The following ANKRD44 variants were observed in gnomAD, a reference collection of about 807,000 sequenced individuals.
The protein encoded by ANKRD44 is ankyrin repeat domain 44.
Under a neutral mutation model 116.0 loss-of-function variants are expected in ANKRD44, and 35 were observed. The ratio of observed to expected loss-of-function variants is 0.30; its 90% confidence interval spans 0.23 to 0.40. ANKRD44 has a LOEUF of 0.40. Ranked by LOEUF, ANKRD44 falls within the 10% of genes least tolerant of loss-of-function variation. The pLI is 1.00. For synonymous variants in ANKRD44, 435 were observed against 461.8 expected, an observed-to-expected ratio of 0.94 and a Z score of 0.74; for missense variants, 1,014 against 1,242.6, an observed-to-expected ratio of 0.82 and a Z score of 2.77.
intron 15 of ANKRD44, among the ~76,000 whole-genome samples, chr2:197,080,621 G>A (rs1384553147): frequency 6.6e-6 from 1 of 152,132 alleles, no homozygotes; most frequent in Non-Finnish European, 1.5e-5. Context: ...GCAAAACTCT[G>A]GTCATTCTAT....
At chr2:197,247,306 A>G (rs1045010686) in intron 1 of ANKRD44, among the ~76,000 whole-genome samples, 18 of 152,232 alleles carry the variant, frequency 1.2e-4, no homozygotes, top group Admixed American at 1.2e-3. Flanking sequence ...CAGCGCTAAC[A>G]GATCTGCATC....
At chr2:197,095,900 T>G (rs767808128) in intron 10 of ANKRD44, among the ~76,000 whole-genome samples, 57 of 152,348 alleles carry the variant, frequency 3.7e-4, no homozygotes, top group Middle Eastern at 3.4e-3. Flanking sequence ...GCATGTATTT[T>G]GTAATTTTTT....
chr2:197,275,641 G>A (rs2083056991), intron 1 of ANKRD44, among the ~76,000 whole-genome samples: 1 of 151,946 alleles, frequency 6.6e-6, no homozygotes, highest in Non-Finnish European at 1.5e-5. Context: ...CACTTTCTAT[G>A]TCCACAGCAG....
At chr2:197,055,006 T>C (rs1221844206) in intron 16 of ANKRD44, among the ~76,000 whole-genome samples, 1 of 152,186 alleles carries the variant, frequency 6.6e-6, no homozygotes, top group Non-Finnish European at 1.5e-5. Context: ...ACCTGTTCTA[T>C]TTCTCATTCT....
chr2:197,072,575 A>G (rs2077583348), intron 16 of ANKRD44, among the ~76,000 whole-genome samples: 1 of 152,318 alleles, frequency 6.6e-6, no homozygotes, highest in South Asian at 2.1e-4. Context: ...ATTAGCATTG[A>G]TGTTTTATCA....
intron 8 of ANKRD44, among the ~76,000 whole-genome samples, chr2:197,113,901 G>T (rs2697269): frequency 0.8 from 122,234 of 152,114 alleles, 52,832 homozygotes; most frequent in East Asian, 0.98. Flanking sequence ...TAGGGAAACA[G>T]GTAGATAAGG....
intron 27 of ANKRD44, chr2:196,990,770 G>C (rs1044596169): frequency 5.7e-6 from 7 of 1,232,076 alleles, no homozygotes; most frequent in Non-Finnish European, 6.1e-6. Flanking sequence ...TACCCAGATT[G>C]GAGAGGGTCG....
rs780163800 is a variant in ANKRD44, at chr2:197,125,828, A to G, written c.462+9T>C. 1 of 1,613,300 alleles carries G rather than the reference A, an allele frequency of 6.2e-7. No homozygotes were observed. The highest frequency in any genetic ancestry group is 1.3e-5 in the African/African-American group (1 of 75,050). Reference sequence around the variant, plus strand: ...GAGCGTTCCAATTCTGAATGATAAAAATACCCACCTCCACGTGGCCGTTCA... The same window carrying G: ...GAGCGTTCCAATTCTGAATGATAAAGATACCCACCTCCACGTGGCCGTTCA... On this transcript the variant is annotated intron_variant, in intron 5 of 27. Transcript: ENST00000282272.
chr2:197,189,543 C>T (rs1247842380), intron 1 of ANKRD44, among the ~76,000 whole-genome samples: 5 of 152,216 alleles, frequency 3.3e-5, no homozygotes, highest in Non-Finnish European at 4.4e-5. Context: ...ACACAAGACA[C>T]AGAGCCAGAC....
At chr2:197,070,794 G>A (rs1327795241) in intron 16 of ANKRD44, among the ~76,000 whole-genome samples, 1 of 152,080 alleles carries the variant, frequency 6.6e-6, no homozygotes, top group Non-Finnish European at 1.5e-5. Flanking sequence ...CTATTTTCCA[G>A]AAAAGACTGT....
intron 9 of ANKRD44, among the ~76,000 whole-genome samples, chr2:197,100,186 C>T (rs1454518696): frequency 6.6e-6 from 1 of 152,184 alleles, no homozygotes; most frequent in Non-Finnish European, 1.5e-5. Flanking sequence ...CCTGTAATCC[C>T]AGCACTTTGG....
intron 1 of ANKRD44, among the ~76,000 whole-genome samples, chr2:197,276,996 C>T (rs547727352): frequency 2.0e-5 from 3 of 150,626 alleles, no homozygotes; most frequent in Admixed American, 2.0e-4. Context: ...GGCGCAATCT[C>T]GGCTCACTGC....
rs2078953811 is a variant in ANKRD44, at chr2:197,125,434, A to G, written c.497T>C (p.Ile166Thr). Residue 166 changes from isoleucine (I) to threonine (T), a missense_variant, in exon 6 of 28, where the codon ATC becomes ACC. Coordinates refer to ENST00000282272, the MANE Select transcript of ANKRD44 (RefSeq NM_001195144.2). ...VNLLLAKGAN[I>T]NAFDKKDRRA... Reference sequence around the variant, plus strand: ...CCGGTCCTTCTTGTCAAATGCATTGATATTTGCCCCTTTGGCCAAGAGTAA... The same window carrying G: ...CCGGTCCTTCTTGTCAAATGCATTGGTATTTGCCCCTTTGGCCAAGAGTAA... 6.2e-7 allele frequency: 1 copy of G among 1,613,992 alleles called. No homozygotes were observed. Among genetic ancestry groups the G allele is most frequent in the African/African-American group, 1.3e-5 (1 of 74,952 alleles).
At chr2:197,065,627 A>T (rs568057557) in intron 16 of ANKRD44, among the ~76,000 whole-genome samples, 6 of 152,254 alleles carry the variant, frequency 3.9e-5, no homozygotes, top group African/African-American at 1.4e-4. Flanking sequence ...TATCACCACC[A>T]ATCCCACAGA....
intron 16 of ANKRD44, among the ~76,000 whole-genome samples, chr2:197,039,650 CAT>C (rs1298183051): frequency 6.7e-6 from 1 of 148,880 alleles, no homozygotes; most frequent in Non-Finnish European, 1.5e-5. Flanking sequence ...TCCTGCATTA[CAT>C]GTGTGTGGTG....
chr2:197,001,855 A>G lies in ANKRD44; in HGVS notation c.2348-15T>C. On this transcript the variant is annotated splice_polypyrimidine_tract_variant and intron_variant, in intron 21 of 27. Coordinates refer to ENST00000282272, the MANE Select transcript of ANKRD44 (RefSeq NM_001195144.2). ...GTTTTCATTACCTGCAAGAAATAAA[A>G]ATAATTTAGGGAGTTTCCAAGAAAG... The G allele has an allele frequency of 6.3e-7, 1 of 1,593,592 alleles. No individual in the cohort carries two copies. The highest frequency in any genetic ancestry group is 8.6e-7 in the Non-Finnish European group (1 of 1,165,658).
At chr2:197,174,637 T>C (rs149013089) in intron 2 of ANKRD44, among the ~76,000 whole-genome samples, 1 of 149,468 alleles carries the variant, frequency 6.7e-6, no homozygotes. Flanking sequence ...GGGAGGGAGG[T>C]GATGTGTCAG....
In ANKRD44 at chr2:197,228,058, C is replaced by T. The variant is rs1165172315; in HGVS notation, c.28-40952G>A. ...ACATCCCAACTGTAAGTCAGACAGA[C>T]CCGGAATCAAATCTTAGCTGTGTCA... On this transcript the variant is annotated intron_variant, in intron 1 of 27. Coordinates refer to ENST00000282272, the MANE Select transcript of ANKRD44 (RefSeq NM_001195144.2). Among the ~76,000 whole-genome samples the T allele has an allele frequency of 2.0e-5, 3 of 152,172 alleles. No individual in the cohort carries two copies. The East Asian group carries it at 5.8e-4, about 29-fold the overall frequency.
intron 2 of ANKRD44, among the ~76,000 whole-genome samples, chr2:197,156,452 C>T (rs2079817982): frequency 6.6e-6 from 1 of 152,124 alleles, no homozygotes; most frequent in Admixed American, 6.5e-5. Flanking sequence ...CTAATGATAC[C>T]AAGTGTTGGT....
Sources: gnomAD v4.1 joint callset for allele counts (sites outside exome capture counted in the v4.1 genomes callset) on GRCh38, gnomAD v4.1.1 for gene constraint, MANE v1.5 for transcripts, NCBI Gene and HGNC (gene_info 2026-07-23, HGNC 2026-07-21) for gene names.